IRAK2: variants seen among roughly 807,000 people sequenced by gnomAD.
IRAK2 encodes the protein interleukin 1 receptor associated kinase 2.
IRAK2 carries 57 observed loss-of-function variants against 72.0 expected under a neutral mutation model. The observed-to-expected ratio is 0.79, with a 90% CI of 0.64 to 0.99. The LOEUF (loss-of-function observed/expected upper bound fraction) is 0.99, where lower values mean the gene tolerates loss of function less well. IRAK2 is among the 50% of genes least tolerant of loss of function. The pLI is 0.00. For missense variants in IRAK2, 790 were observed against 794.4 expected (o/e 0.99, Z 0.07); for synonymous variants, 293 against 312.7 (o/e 0.94, Z 0.67).
rs567032027 is a variant in IRAK2 at position 10,192,441 on chromosome 3, C to T, written c.278-7928C>T. On this transcript the variant is annotated intron_variant, in intron 2 of 12. Transcript: ENST00000256458. ...CAGGCCCCGTCAGCCAAAGGCCCAG[C>T]ACCCATAAACATCCTTTAGTCCTTT... 2.0e-5 allele frequency among the ~76,000 whole-genome samples: 3 copies of T among 152,348 alleles called. No individual in the cohort carries two copies. The East Asian group carries it at 5.8e-4, about 29-fold the overall frequency.
At position 10,238,744 on chromosome 3, in the gene IRAK2, A is replaced by C. The variant is rs767187755; in HGVS notation, c.1474-4A>C. ...TGAGCTCCCTTCTCTCTCTTCTCCC[A>C]AAGGTGTGTGGCTCTGTGGCTGCTG... On this transcript the variant is annotated splice_polypyrimidine_tract_variant and splice_region_variant and intron_variant, in intron 11 of 12. Transcript: ENST00000256458. 1.9e-6 allele frequency: 3 copies of C among 1,613,296 alleles called. No individual in the cohort carries two copies. The highest frequency in any genetic ancestry group is 2.5e-6 in the Non-Finnish European group (3 of 1,179,538).
intron 10 of IRAK2, among the ~76,000 whole-genome samples, chr3:10,229,233 G>A (rs1428488597): frequency 6.6e-6 from 1 of 151,974 alleles, no homozygotes; most frequent in African/African-American, 2.4e-5. Context: ...GAGCCACTGC[G>A]CCTGGCCAAA....
At chr3:10,176,065 G>GTTTT (rs58627914) in intron 1 of IRAK2, among the ~76,000 whole-genome samples, 16 of 77,424 alleles carry the variant, frequency 2.1e-4, no homozygotes, top group East Asian at 4.5e-4. Context: ...TATTGTCCAT[G>GTTTT]TTTTTTTTTT....
At chr3:10,185,928 C>T (rs773567803) in intron 2 of IRAK2, among the ~76,000 whole-genome samples, 3 of 151,366 alleles carry the variant, frequency 2.0e-5, no homozygotes, top group Non-Finnish European at 2.9e-5. Flanking sequence ...GCGGTGGGCA[C>T]GTGTAATCCC....
At chr3:10,231,699 G>A (rs75512009) in intron 10 of IRAK2, among the ~76,000 whole-genome samples, 10,385 of 152,046 alleles carry the variant, frequency 0.068, 532 homozygotes, top group East Asian at 0.21. Context: ...AATTTTATGT[G>A]GAGATGGGAT....
chr3:10,234,637 G>A lies in IRAK2; in HGVS notation c.1451G>A (p.Arg484Lys), dbSNP rs749113621. The stretch of plus-strand genomic sequence containing the variant: ...ACGGCTGCCTGCCTGTGCCTGCGGA[G>A]GCGTAACACCAGCCTGCAGGAGGTG... ...LATAACLCLR[R>K]RNTSLQEVCG... The change falls in exon 11 of 13, where the codon AGG becomes AAG. Residue 484 changes from arginine (R) to lysine (K), a missense_variant. Arg to Lys is a conservative substitution (Grantham distance 26). Coordinates refer to ENST00000256458, the MANE Select transcript of IRAK2 (RefSeq NM_001570.4). The A allele has an allele frequency of 1.2e-6, 2 of 1,612,974 alleles. No homozygotes were observed. Among genetic ancestry groups the A allele is most frequent in the African/African-American group, 1.3e-5 (1 of 74,914 alleles).
intron 1 of IRAK2, among the ~76,000 whole-genome samples, chr3:10,172,475 T>C: frequency 7.1e-6 from 1 of 141,712 alleles, no homozygotes; most frequent in Non-Finnish European, 1.5e-5. Flanking sequence ...GAGGTGGAGG[T>C]TGCAGTGAGC....
intron 3 of IRAK2, among the ~76,000 whole-genome samples, chr3:10,203,861 G>A (rs1384087545): frequency 6.6e-6 from 1 of 151,930 alleles, no homozygotes; most frequent in African/African-American, 2.4e-5. Flanking sequence ...TTGATCTCTT[G>A]ACCACCTGCC....
chr3:10,237,784 C>A (rs11928386), intron 11 of IRAK2, among the ~76,000 whole-genome samples: 65,003 of 136,386 alleles, frequency 0.48, 15,623 homozygotes, highest in Admixed American at 0.59. Flanking sequence ...CCGGCCTGGG[C>A]GAAAGAGCGA....
At chr3:10,176,190 A>C (rs1696873347) in intron 1 of IRAK2, among the ~76,000 whole-genome samples, 1 of 151,116 alleles carries the variant, frequency 6.6e-6, no homozygotes, top group South Asian at 2.1e-4. Flanking sequence ...CCCATACTTC[A>C]GAATTGGCAA....
rs367569450 is a variant in IRAK2 at position 10,213,356 on chromosome 3, A to G, written c.678A>G (p.Arg226=). 2 of 1,613,976 alleles carry G rather than the reference A, an allele frequency of 1.2e-6. No homozygotes were observed. Among genetic ancestry groups the G allele is most frequent in the African/African-American group, 2.7e-5 (2 of 74,886 alleles). The stretch of plus-strand genomic sequence containing the variant: ...AGGGGACCTTTGCTGACGTCTACAG[A>G]GGGCACAGGCACGGGAAGCCATTCG... ...ISQGTFADVY[R]GHRHGKPFVF... The change falls in exon 5 of 13, where the codon AGA becomes AGG. Residue 226 remains arginine (R), a synonymous_variant. Transcript: ENST00000256458.
At chr3:10,230,684 T>G (rs1281948839) in intron 10 of IRAK2, among the ~76,000 whole-genome samples, 1 of 152,156 alleles carries the variant, frequency 6.6e-6, no homozygotes, top group Non-Finnish European at 1.5e-5. Flanking sequence ...ATCCCCTGCT[T>G]TAGCCTCCCA....
At chr3:10,212,056 G>T (rs1021184321) in intron 4 of IRAK2, among the ~76,000 whole-genome samples, 9 of 150,672 alleles carry the variant, frequency 6.0e-5, no homozygotes, top group African/African-American at 2.2e-4. Context: ...CTCCAGCCTG[G>T]GTGACAGTAC....
At chr3:10,197,686 A>C (rs1001147173) in intron 2 of IRAK2, among the ~76,000 whole-genome samples, 1 of 149,680 alleles carries the variant, frequency 6.7e-6, no homozygotes, top group African/African-American at 2.5e-5. Flanking sequence ...CCCTGTCTCT[A>C]CTAAAAATAC....
chr3:10,207,516 C>A (rs1005942379), intron 3 of IRAK2, among the ~76,000 whole-genome samples: 2 of 151,832 alleles, frequency 1.3e-5, no homozygotes, highest in Non-Finnish European at 2.9e-5. Context: ...CTCACCTCAC[C>A]CACGGTCTGT....
intron 10 of IRAK2, among the ~76,000 whole-genome samples, chr3:10,231,563 G>C (rs1697862125): frequency 6.6e-6 from 1 of 152,092 alleles, no homozygotes; most frequent in Admixed American, 6.5e-5. Context: ...AAAGTGTTGG[G>C]ATTACAGGTG....
chr3:10,185,946 C>T (rs1465130396), intron 2 of IRAK2, among the ~76,000 whole-genome samples: 4 of 151,322 alleles, frequency 2.6e-5, no homozygotes, highest in African/African-American at 7.4e-5. Flanking sequence ...CCCAGCTACT[C>T]GGGAGGCTGA....
intron 2 of IRAK2, among the ~76,000 whole-genome samples, chr3:10,181,043 G>C (rs1314960599): frequency 1.3e-5 from 2 of 152,078 alleles, no homozygotes; most frequent in East Asian, 3.9e-4. Context: ...TCCTCTGTGT[G>C]CCCCCAGCAG....
intron 2 of IRAK2, among the ~76,000 whole-genome samples, chr3:10,199,502 T>G (rs1575969210): frequency 6.6e-6 from 1 of 152,086 alleles, no homozygotes; most frequent in African/African-American, 2.4e-5. Flanking sequence ...ATGGCTGCTG[T>G]TTTAGGATTC....
Sources: allele counts gnomAD v4.1 joint callset (sites outside exome capture counted in the v4.1 genomes callset), GRCh38; gene constraint gnomAD v4.1.1; transcripts MANE v1.5; gene names NCBI Gene and HGNC (gene_info 2026-07-23, HGNC 2026-07-21).